The following RWDD4 variants were observed in gnomAD, a reference collection of about 807,000 sequenced individuals.
The protein encoded by RWDD4 is RWD domain containing 4.
RWDD4 carries 16 observed loss-of-function variants against 30.0 expected under a neutral mutation model. That is an observed-to-expected ratio of 0.53 (90% CI 0.36 to 0.81). RWDD4 has a LOEUF of 0.81. Among genes scored for constraint, RWDD4 ranks in the 30% least tolerant of loss-of-function variants. The probability of loss-of-function intolerance (pLI) is 0.00; values close to 1 mark genes in which losing one functional copy is unlikely to be tolerated. For synonymous variants in RWDD4, 45 were observed against 72.1 expected (o/e 0.62, Z 1.90); for missense variants, 170 against 223.9 (o/e 0.76, Z 1.54).
Position 183,642,390 on chromosome 4 carries a change from C to T in RWDD4, c.535-922G>A, listed in dbSNP as rs560782667. On this transcript the variant is annotated intron_variant, in intron 7 of 7. Coordinates refer to ENST00000326397, the MANE Select transcript of RWDD4 (RefSeq NM_152682.4). Reference sequence around the variant, plus strand: ...ATTTTTAGTAGAGACGGGGTTTCACCGTGTTAGCCAGGATGGTCTCGATCT... The same window carrying T: ...ATTTTTAGTAGAGACGGGGTTTCACTGTGTTAGCCAGGATGGTCTCGATCT... Among the ~76,000 whole-genome samples, 62 of 86,288 alleles carry T rather than the reference C, an allele frequency of 7.2e-4. 18 individuals are homozygous for T. The highest frequency in any genetic ancestry group is 4.3e-3 in the African/African-American group (57 of 13,284). The allele number at this position is 86,288 out of a possible 152,430, so 56.6% of individuals were successfully genotyped here.
intron 7 of RWDD4, among the ~76,000 whole-genome samples, chr4:183,643,059 A>AAAAT (rs201296160): frequency 0.05 from 5,673 of 112,364 alleles, 233 homozygotes; most frequent in African/African-American, 0.072. Flanking sequence ...ACTCCGTTCA[A>AAAAT]AAATAAATAA....
chr4:183,652,808 C>CA (rs1210590907), intron 2 of RWDD4, among the ~76,000 whole-genome samples: 8,849 of 112,068 alleles, frequency 0.079, 1,006 homozygotes, highest in African/African-American at 0.27. Flanking sequence ...GACTCCATCT[C>CA]AAAAAAAAAA....
intron 7 of RWDD4, among the ~76,000 whole-genome samples, chr4:183,642,185 A>ATTTTTTTT: frequency 1.0e-5 from 1 of 97,154 alleles, no homozygotes; most frequent in Admixed American, 1.1e-4. Flanking sequence ...CATTCTTAAA[A>ATTTTTTTT]TTTTTTTTTT....
intron 5 of RWDD4, among the ~76,000 whole-genome samples, chr4:183,647,365 T>C (rs1733983532): frequency 6.6e-6 from 1 of 152,158 alleles, no homozygotes; most frequent in Non-Finnish European, 1.5e-5. Context: ...AGAGAAGCAA[T>C]ATTACTGGAG....
chr4:183,651,198 A>G lies in RWDD4; in HGVS notation c.215+20T>C, dbSNP rs775496824. ...AACAGAGAGTGAAATGAAAAGCAGT[A>G]AAAACAAGACACTACTCACATGGTG... On this transcript the variant is annotated intron_variant, in intron 3 of 7. Coordinates refer to ENST00000326397, the MANE Select transcript of RWDD4 (RefSeq NM_152682.4). 9.9e-6 allele frequency: 16 copies of G among 1,613,590 alleles called. No homozygotes were observed. The highest frequency in any genetic ancestry group is 1.4e-5 in the Non-Finnish European group (16 of 1,179,630).
chr4:183,651,443 A>G (rs991566027), intron 2 of RWDD4, 116 bp from the exon 3 acceptor site: 6 of 807,008 alleles, frequency 7.4e-6, no homozygotes, highest in South Asian at 3.4e-5. Flanking sequence ...CAGAAATGTA[A>G]TATTTTGAAA....
intron 5 of RWDD4, among the ~76,000 whole-genome samples, chr4:183,648,002 T>G (rs1579125832): frequency 6.6e-6 from 1 of 152,088 alleles, no homozygotes; most frequent in African/African-American, 2.4e-5. Flanking sequence ...CCCAGCACTT[T>G]GGGAGGCCGA....
At chr4:183,657,959 A>AGG (rs1482652256) in intron 1 of RWDD4, among the ~76,000 whole-genome samples, 1 of 152,232 alleles carries the variant, frequency 6.6e-6, no homozygotes, top group Non-Finnish European at 1.5e-5. Flanking sequence ...GTTCTAAGGT[A>AGG]GGGGACTATG....
intron 1 of RWDD4, 54 bp downstream of exon 1, chr4:183,658,875 C>T: frequency 8.1e-7 from 1 of 1,228,784 alleles, no homozygotes; most frequent in Non-Finnish European, 1.0e-6. Context: ...CACGGGGGCC[C>T]GGGGCTGCGC....
intron 2 of RWDD4, among the ~76,000 whole-genome samples, chr4:183,655,027 G>T (rs976284555): frequency 6.6e-6 from 1 of 151,242 alleles, no homozygotes; most frequent in African/African-American, 2.4e-5. Flanking sequence ...TGGAACCTCC[G>T]CCTCCTGGGT....
chr4:183,645,525 G>A (rs984838361), intron 7 of RWDD4, among the ~76,000 whole-genome samples: 8 of 150,888 alleles, frequency 5.3e-5, no homozygotes, highest in East Asian at 2.0e-4. Context: ...ATCCCAGCAC[G>A]TTGTGAGGCC....
chr4:183,656,800 C>CG (rs1734203288), intron 1 of RWDD4, among the ~76,000 whole-genome samples: 2 of 152,124 alleles, frequency 1.3e-5, no homozygotes, highest in Non-Finnish European at 2.9e-5. Context: ...CCGAGGCGGG[C>CG]GGATCACCTG....
chr4:183,658,896 C>G, intron 1 of RWDD4, 33 bp downstream of exon 1: 5 of 1,245,850 alleles, frequency 4.0e-6, no homozygotes, highest in Non-Finnish European at 5.0e-6. Flanking sequence ...GCCGCGCCCG[C>G]GCTGGGAGAG....
Position 183,659,036 on chromosome 4 carries a change from G to A in RWDD4, c.-84C>T. The stretch of plus-strand genomic sequence containing the variant: ...GAAGGCAGCGGCCCAGAGGCCGGGC[G>A]TCCCCCTTTCGCGCCTCGGCTGTGG... On this transcript the variant is annotated 5_prime_UTR_variant, in exon 1 of 8. It adds an upstream start codon to the 5' untranslated region. Transcript: ENST00000326397. The A allele has an allele frequency of 9.2e-7, 1 of 1,091,604 alleles. No homozygotes were observed. The highest frequency in any genetic ancestry group is 1.2e-6 in the Non-Finnish European group (1 of 858,456). The allele number at this position is 1,091,604 out of a possible 1,614,324, so 67.6% of individuals were successfully genotyped here. A position where few individuals can be genotyped will look rare whatever the true frequency, so the allele number is the denominator to read the frequency against.
chr4:183,655,856 T>C (rs1380523876), intron 2 of RWDD4, 25 bp downstream of exon 2: 1 of 1,456,032 alleles, frequency 6.9e-7, no homozygotes, highest in South Asian at 1.2e-5. Flanking sequence ...AAGTTCTAAG[T>C]GCTCTTATTC....
Position 183,649,436 on chromosome 4 carries a change from G to GAAAAT in RWDD4, c.481+14_481+15insATTTT. ...TCAAAAAAAAGAAAAGAAAAGAAAAGAAACACACACAAACCTGTTTTGTCT... is the reference window on the plus strand; with the variant it reads ...TCAAAAAAAAGAAAAGAAAAGAAAAGAAAATAAACACACACAAACCTGTTTTGTCT... On this transcript the variant is annotated intron_variant, in intron 5 of 7. Coordinates refer to ENST00000326397, the MANE Select transcript of RWDD4 (RefSeq NM_152682.4). 6.7e-7 allele frequency: 1 copy of GAAAAT among 1,502,666 alleles called. No individual in the cohort carries two copies. Among genetic ancestry groups the GAAAAT allele is most frequent in the South Asian group, 1.2e-5 (1 of 86,320 alleles). The allele number at this position is 1,502,666 out of a possible 1,614,324, so 93.1% of individuals were successfully genotyped here. A position where few individuals can be genotyped will look rare whatever the true frequency, so the allele number is the denominator to read the frequency against.
chr4:183,649,851 G>A lies in RWDD4; in HGVS notation c.364-283C>T, dbSNP rs574615568. Among the ~76,000 whole-genome samples the A allele has an allele frequency of 1.2e-4, 19 of 152,274 alleles. No individual in the cohort carries two copies. In the South Asian group the frequency reaches 3.9e-3, roughly 32 times the overall value. ...TTATGTTGAAGATCTGAGGTTCCAA[G>A]GTAGGTTTACAATTCAGTTAACTTG... is the stretch of plus-strand genomic sequence containing the variant. On this transcript the variant is annotated intron_variant, in intron 4 of 7. Coordinates refer to ENST00000326397, the MANE Select transcript of RWDD4 (RefSeq NM_152682.4).
rs188354060 is a variant in RWDD4, at chr4:183,645,191, A to T, written c.534+1160T>A. 1.9e-4 allele frequency among the ~76,000 whole-genome samples: 29 copies of T among 152,312 alleles called. No individual in the cohort carries two copies. In the East Asian group the frequency reaches 4.8e-3, roughly 25 times the overall value. On this transcript the variant is annotated intron_variant, in intron 7 of 7. Transcript: ENST00000326397. ...AAATTACCTGTATTTGTGGGTCCTC[A>T]CTAAAATCCTAATCTTTAACTACCC...
chr4:183,659,013 AG>A lies in RWDD4; in HGVS notation c.-62del. 1 of 1,227,826 alleles carries A rather than the reference AG, an allele frequency of 8.1e-7. No homozygotes were observed. Among genetic ancestry groups the A allele is most frequent in the Non-Finnish European group, 1.0e-6 (1 of 976,602 alleles). 76.1% of individuals were successfully genotyped at this position (1,227,826 alleles called of 1,614,324 possible). A position where few individuals can be genotyped will look rare whatever the true frequency, so the allele number is the denominator to read the frequency against. On this transcript the variant is annotated 5_prime_UTR_variant, in exon 1 of 8. Coordinates refer to ENST00000326397, the MANE Select transcript of RWDD4 (RefSeq NM_152682.4). ...GTTCGCAACAACGAAGAGAAAGCGA[AG>A]GCAGCGGCCCAGAGGCCGGGCGTCC...
Sources: gnomAD v4.1 joint callset for allele counts (sites outside exome capture counted in the v4.1 genomes callset) on GRCh38, gnomAD v4.1.1 for gene constraint, MANE v1.5 for transcripts, NCBI Gene and HGNC (gene_info 2026-07-23, HGNC 2026-07-21) for gene names.